The following ARFGEF1 variants were observed in gnomAD, a reference collection of about 807,000 sequenced individuals.
The protein encoded by ARFGEF1 is ARF guanine nucleotide exchange factor 1, also known as brefeldin A-inhibited guanine nucleotide-exchange protein 1.
In ARFGEF1, 42 loss-of-function variants were observed where a neutral mutation model predicts 231.0. The ratio of observed to expected loss-of-function variants is 0.18; its 90% confidence interval spans 0.14 to 0.24. ARFGEF1 has a LOEUF of 0.24. ARFGEF1 is among the 10% of genes least tolerant of loss of function. The probability of loss-of-function intolerance (pLI) is 1.00; values close to 1 mark genes in which losing one functional copy is unlikely to be tolerated. For missense variants in ARFGEF1, 1,345 were observed against 2,192.0 expected (o/e 0.61, Z 7.72); for synonymous variants, 710 against 732.3 (o/e 0.97, Z 0.49).
rs34333039 is a variant in ARFGEF1 at position 67,244,242 on chromosome 8, C to CAAAAAAAAAAA, written c.2851-3963_2851-3953dup. Among the ~76,000 whole-genome samples the CAAAAAAAAAAA allele has an allele frequency of 1.3e-3, 27 of 20,096 alleles. 5 individuals are homozygous for CAAAAAAAAAAA. The highest frequency in any genetic ancestry group is 2.7e-3 in the South Asian group (1 of 368). The allele number at this position is 20,096 out of a possible 152,430, so 13.2% of individuals were successfully genotyped here. A position where few individuals can be genotyped will look rare whatever the true frequency, so the allele number is the denominator to read the frequency against. ...TGGGCGACAAAGCGAGACTCCACCT[C>CAAAAAAAAAAA]AAAAAAAAAAAAAAAAAAAAAAAAA... is the stretch of plus-strand genomic sequence containing the variant. On this transcript the variant is annotated intron_variant, in intron 19 of 38. Transcript: ENST00000262215.
In ARFGEF1 at chr8:67,246,873, G is replaced by A. The variant is rs542455011; in HGVS notation, c.2850+4426C>T. Among the ~76,000 whole-genome samples the A allele has an allele frequency of 1.8e-3, 264 of 150,134 alleles. 22 individuals carry two copies. Among genetic ancestry groups the A allele is most frequent in the African/African-American group, 6.2e-3 (251 of 40,322 alleles). ...TAACCAAGACTAAGAAAAAAAGACCGAAGACACAAATAAATAAAATTAGAG... is the reference window on the plus strand; with the variant it reads ...TAACCAAGACTAAGAAAAAAAGACCAAAGACACAAATAAATAAAATTAGAG... On this transcript the variant is annotated intron_variant, in intron 19 of 38. Transcript: ENST00000262215.
intron 5 of ARFGEF1, among the ~76,000 whole-genome samples, chr8:67,183,843 ATTTTTTTTTTTTT>A (rs918103972): frequency 1.9e-4 from 21 of 108,214 alleles, no homozygotes; most frequent in South Asian, 6.1e-4. Context: ...AAAATTGGGA[ATTTTTTTTTTTTT>A]TTTTTTTTTT....
At chr8:67,340,801 T>C (rs964398975) in intron 1 of ARFGEF1, among the ~76,000 whole-genome samples, 9 of 152,136 alleles carry the variant, frequency 5.9e-5, no homozygotes, top group African/African-American at 1.7e-4. Flanking sequence ...CAAGCTTCTA[T>C]TGAGTATACA....
intron 19 of ARFGEF1, among the ~76,000 whole-genome samples, chr8:67,243,833 G>A (rs1321645416): frequency 6.6e-6 from 1 of 152,120 alleles, no homozygotes; most frequent in Non-Finnish European, 1.5e-5. Context: ...CAAAAGAGCT[G>A]TTTTGAGGAA....
At chr8:67,255,596 T>C (rs140651568) in intron 17 of ARFGEF1, among the ~76,000 whole-genome samples, 1,987 of 152,380 alleles carry the variant, frequency 0.013, 18 homozygotes, top group Middle Eastern at 0.031. Flanking sequence ...GTTATTTGTA[T>C]TTTAAAATGT....
At chr8:67,305,934 G>A (rs369230931) in intron 1 of ARFGEF1, among the ~76,000 whole-genome samples, 47 of 152,162 alleles carry the variant, frequency 3.1e-4, no homozygotes, top group African/African-American at 1.1e-3. Context: ...TACTATGGCC[G>A]TAATTTTCAG....
chr8:67,277,237 T>C, intron 8 of ARFGEF1, 45 bp downstream of exon 8: 1 of 1,581,152 alleles, frequency 6.3e-7, no homozygotes, highest in Non-Finnish European at 8.6e-7. Context: ...TATAAATTTG[T>C]AAGATTAACA....
chr8:67,177,254 A>G (rs1831916666), intron 5 of ARFGEF1, among the ~76,000 whole-genome samples: 1 of 152,078 alleles, frequency 6.6e-6, no homozygotes, highest in Admixed American at 6.5e-5. Flanking sequence ...CATATTGGAG[A>G]GGCTTTGGGA....
At chr8:67,300,312 T>C (rs1806421546) in intron 3 of ARFGEF1, among the ~76,000 whole-genome samples, 2 of 152,166 alleles carry the variant, frequency 1.3e-5, no homozygotes, top group Admixed American at 1.3e-4. Context: ...ATACATATAA[T>C]TCCCAAATAG....
intron 33 of ARFGEF1, among the ~76,000 whole-genome samples, chr8:67,211,935 G>A (rs6991974): frequency 0.13 from 19,989 of 151,994 alleles, 2,638 homozygotes; most frequent in African/African-American, 0.34. Context: ...TTGCAGGGGT[G>A]AATTTAGAAA....
At chr8:67,241,910 G>T (rs1195536052) in intron 19 of ARFGEF1, among the ~76,000 whole-genome samples, 1 of 152,154 alleles carries the variant, frequency 6.6e-6, no homozygotes, top group Non-Finnish European at 1.5e-5. Flanking sequence ...TTGGGAGAGG[G>T]ACAGTGCAGC....
chr8:67,216,820 G>A (rs1175934944), intron 32 of ARFGEF1, among the ~76,000 whole-genome samples, 158 bp from the exon 33 acceptor site: 1 of 151,990 alleles, frequency 6.6e-6, no homozygotes, highest in Non-Finnish European at 1.5e-5. Flanking sequence ...AAAACATCTA[G>A]TAAAAAGTTT....
intron 1 of ARFGEF1, among the ~76,000 whole-genome samples, chr8:67,311,678 C>T (rs1306232232): frequency 1.3e-5 from 2 of 152,124 alleles, no homozygotes; most frequent in African/African-American, 4.8e-5. Context: ...CTCTGCCCGG[C>T]CGCCCCTACT....
At chr8:67,296,322 G>T (rs1806230791) in intron 5 of ARFGEF1, 109 bp downstream of exon 5, 2 of 1,007,234 alleles carry the variant, frequency 2.0e-6, no homozygotes, top group Admixed American at 2.5e-5. Context: ...GTAAATAAAA[G>T]ACATTCTTTT....
chr8:67,269,973 C>G (rs903612385), intron 10 of ARFGEF1, among the ~76,000 whole-genome samples: 1 of 152,060 alleles, frequency 6.6e-6, no homozygotes, highest in Non-Finnish European at 1.5e-5. Context: ...CCTACAGAAG[C>G]AGAATCTCAG....
intron 22 of ARFGEF1, among the ~76,000 whole-genome samples, chr8:67,233,745 T>C (rs1198977696): frequency 1.3e-5 from 2 of 152,016 alleles, no homozygotes; most frequent in Non-Finnish European, 2.9e-5. Flanking sequence ...CTGCTTACTG[T>C]TACTTACAAG....
intron 17 of ARFGEF1, among the ~76,000 whole-genome samples, chr8:67,254,835 T>A (rs1385400158): frequency 6.6e-6 from 1 of 152,076 alleles, no homozygotes; most frequent in African/African-American, 2.4e-5. Flanking sequence ...TTCAAGTGTT[T>A]AACGTATCAT....
At chr8:67,338,605 G>T (rs1264947568) in intron 1 of ARFGEF1, among the ~76,000 whole-genome samples, 2 of 152,122 alleles carry the variant, frequency 1.3e-5, no homozygotes, top group African/African-American at 2.4e-5. Flanking sequence ...GCTTCTCTAA[G>T]AACTTGTACT....
chr8:67,244,349 TTAC>T (rs1373373541), intron 19 of ARFGEF1, among the ~76,000 whole-genome samples: 1 of 145,176 alleles, frequency 6.9e-6, no homozygotes, highest in African/African-American at 2.6e-5. Context: ...TCTCACTCTG[TTAC>T]TCAGGCTGGA....
Sources: gnomAD v4.1 joint callset for allele counts (sites outside exome capture counted in the v4.1 genomes callset) on GRCh38, gnomAD v4.1.1 for gene constraint, MANE v1.5 for transcripts, NCBI Gene and HGNC (gene_info 2026-07-23, HGNC 2026-07-21) for gene names.